Variants in TRPS1 observed in about 807,000 individuals in gnomAD.
TRPS1 encodes the protein transcriptional repressor GATA binding 1.
A neutral mutation model predicts 101.2 loss-of-function variants in TRPS1; 6 were observed. That is an observed-to-expected ratio of 0.06 (90% CI 0.03 to 0.12). TRPS1 has a LOEUF of 0.12. Ranked by LOEUF, TRPS1 falls within the 10% of genes least tolerant of loss-of-function variation. The pLI, the probability that TRPS1 is intolerant of heterozygous loss-of-function variation, is 1.00. For missense variants in TRPS1, 1,363 were observed against 1,567.0 expected (o/e 0.87, Z 2.20); for synonymous variants, 578 against 589.8 (o/e 0.98, Z 0.29).
chr8:115,539,699 T>C (rs564175488), intron 5 of TRPS1, among the ~76,000 whole-genome samples: 2 of 150,960 alleles, frequency 1.3e-5, no homozygotes, highest in East Asian at 3.9e-4. Flanking sequence ...AAATAAATAA[T>C]CCCCCAAAAT....
At chr8:115,598,679 C>A (rs535468661) in intron 4 of TRPS1, among the ~76,000 whole-genome samples, 1 of 152,268 alleles carries the variant, frequency 6.6e-6, no homozygotes, top group East Asian at 1.9e-4. Context: ...CCCTGGTCTT[C>A]ACTTATCAGA....
chr8:115,588,702 C>T (rs1817620512), intron 4 of TRPS1, among the ~76,000 whole-genome samples: 1 of 152,172 alleles, frequency 6.6e-6, no homozygotes, highest in East Asian at 1.9e-4. Flanking sequence ...CAGGGAAACA[C>T]TTTCTACTTC....
intron 3 of TRPS1, among the ~76,000 whole-genome samples, chr8:115,618,259 C>T (rs1335407131): frequency 6.6e-6 from 1 of 152,106 alleles, no homozygotes; most frequent in Non-Finnish European, 1.5e-5. Context: ...GTAACAAAAA[C>T]TAATACACTT....
intron 5 of TRPS1, among the ~76,000 whole-genome samples, chr8:115,577,245 C>G (rs1343793419): frequency 2.0e-5 from 3 of 151,990 alleles, no homozygotes; most frequent in Non-Finnish European, 4.4e-5. Flanking sequence ...AAGTGAATGT[C>G]TCTTTCAAAT....
intron 5 of TRPS1, among the ~76,000 whole-genome samples, chr8:115,576,325 C>A (rs1586420480): frequency 7.9e-6 from 1 of 126,366 alleles, no homozygotes; most frequent in Non-Finnish European, 1.7e-5. Context: ...AGATCTAGAT[C>A]TTTGGACATC....
chr8:115,546,033 C>A (rs1030325653), intron 5 of TRPS1, among the ~76,000 whole-genome samples: 2 of 151,876 alleles, frequency 1.3e-5, no homozygotes, highest in African/African-American at 4.8e-5. Context: ...TCATCCCTCA[C>A]CTAAAGAAAA....
intron 5 of TRPS1, among the ~76,000 whole-genome samples, chr8:115,421,797 G>A (rs895548360): frequency 2.6e-5 from 4 of 152,138 alleles, no homozygotes; most frequent in Non-Finnish European, 2.9e-5. Flanking sequence ...ATACAGATGC[G>A]AGCCCTGACC....
intron 5 of TRPS1, among the ~76,000 whole-genome samples, chr8:115,549,211 C>T (rs1816647185): frequency 6.6e-6 from 1 of 152,156 alleles, no homozygotes; most frequent in African/African-American, 2.4e-5. Context: ...GTCTAAACAT[C>T]TCTCCCTAAC....
chr8:115,604,944 T>A lies in TRPS1; in HGVS notation c.1025A>T (p.Asn342Ile). 1 of 1,614,028 alleles carries A rather than the reference T, an allele frequency of 6.2e-7. No homozygotes were observed. The highest frequency in any genetic ancestry group is 1.1e-5 in the South Asian group (1 of 91,084). Residue 342 changes from asparagine (N) to isoleucine (I), a missense_variant, in exon 4 of 7, where the codon AAC becomes ATC. By Grantham distance (149) the Asn-to-Ile change is moderately radical. Coordinates refer to ENST00000395715, the MANE Select transcript of TRPS1 (RefSeq NM_014112.5). The surrounding 1 kb of genome is among the most constrained non-coding windows in gnomAD (Gnocchi z 4.1). ...IGRKTPDCQG[N>I]TKYFRCKFCN... ...GAATTTACAGCGGAAATACTTGGTGTTCCCTTGGCAATCTGGTGTTTTCCG... is the reference window on the plus strand; with the variant it reads ...GAATTTACAGCGGAAATACTTGGTGATCCCTTGGCAATCTGGTGTTTTCCG...
At chr8:115,490,494 T>C (rs1201892084) in intron 5 of TRPS1, among the ~76,000 whole-genome samples, 1 of 152,184 alleles carries the variant, frequency 6.6e-6, no homozygotes, top group East Asian at 1.9e-4. Context: ...ATAGGGCTAA[T>C]GAATAATGTT....
intron 1 of TRPS1, among the ~76,000 whole-genome samples, chr8:115,649,732 T>C (rs141713703): frequency 6.6e-6 from 1 of 152,342 alleles, no homozygotes; most frequent in Non-Finnish European, 1.5e-5. Context: ...ATGCAAACCG[T>C]GTCCAGCCTT....
intron 5 of TRPS1, among the ~76,000 whole-genome samples, chr8:115,531,277 C>A (rs976128994): frequency 6.6e-6 from 1 of 152,088 alleles, no homozygotes; most frequent in African/African-American, 2.4e-5. Flanking sequence ...AATATTAAAC[C>A]GGCTAGTTCT....
At position 115,630,148 on chromosome 8, in the gene TRPS1, G is replaced by A. The variant is rs142125506; in HGVS notation, c.-121-6390C>T. Among the ~76,000 whole-genome samples the A allele has an allele frequency of 4.6e-3, 698 of 152,016 alleles. 6 individuals carry two copies. The highest frequency in any genetic ancestry group is 8.0e-3 in the Non-Finnish European group (541 of 67,892). On this transcript the variant is annotated intron_variant, in intron 1 of 6. Coordinates refer to ENST00000395715, the MANE Select transcript of TRPS1 (RefSeq NM_014112.5). ...AGCCAGATAGAGTGGTGAGATTCAAGCCTGAGAGGATGACCACAAGTTCCT... is the reference window on the plus strand; with the variant it reads ...AGCCAGATAGAGTGGTGAGATTCAAACCTGAGAGGATGACCACAAGTTCCT...
Position 115,414,296 on chromosome 8 carries a change from T to C in TRPS1, c.3612A>G (p.Val1204=), listed in dbSNP as rs890303557. The C allele has an allele frequency of 1.2e-6, 2 of 1,613,882 alleles. No individual in the cohort carries two copies. Among genetic ancestry groups the C allele is most frequent in the Non-Finnish European group, 1.7e-6 (2 of 1,179,958 alleles). The change falls in exon 7 of 7, where the codon GTA becomes GTG. Residue 1204 remains valine, a synonymous_variant. Coordinates refer to ENST00000395715, the MANE Select transcript of TRPS1 (RefSeq NM_014112.5). This position sits in a 1 kb window ranked among gnomAD's most constrained non-coding sequence, Gnocchi z 4.8. ...CTACATTCAAGGGACCTTCATTTTTTACATTTGGTGGTGCCTTCGTTTTCT... is the reference window on the plus strand; with the variant it reads ...CTACATTCAAGGGACCTTCATTTTTCACATTTGGTGGTGCCTTCGTTTTCT... The part of the protein sequence containing the change: ...SKEKTKAPPN[V]KNEGPLNVVK...
intron 4 of TRPS1, among the ~76,000 whole-genome samples, chr8:115,598,744 A>G (rs1817843590): frequency 6.6e-6 from 1 of 152,212 alleles, no homozygotes; most frequent in Admixed American, 6.5e-5. Context: ...GGCAGAAAAT[A>G]CAAGGTTGAC....
At chr8:115,451,074 T>A (rs1813859090) in intron 5 of TRPS1, among the ~76,000 whole-genome samples, 1 of 152,216 alleles carries the variant, frequency 6.6e-6, no homozygotes, top group Non-Finnish European at 1.5e-5. Flanking sequence ...ACATCTTTAC[T>A]TTTAATGTTA....
chr8:115,519,095 T>C (rs1015901124), intron 5 of TRPS1, among the ~76,000 whole-genome samples: 1 of 151,842 alleles, frequency 6.6e-6, no homozygotes, highest in African/African-American at 2.4e-5. Context: ...GGTAATATTT[T>C]AGAACTTTTT....
intron 5 of TRPS1, among the ~76,000 whole-genome samples, chr8:115,456,419 C>G (rs1814026865): frequency 6.6e-6 from 1 of 151,986 alleles, no homozygotes. Context: ...TGACCTGCAA[C>G]CTGAATTGTA....
chr8:115,485,509 G>T (rs1381150066), intron 5 of TRPS1, among the ~76,000 whole-genome samples: 1 of 152,192 alleles, frequency 6.6e-6, no homozygotes, highest in Non-Finnish European at 1.5e-5. Flanking sequence ...GTTACACACA[G>T]CAATAGAACA....
Sources: gnomAD v4.1 joint callset for allele counts (sites outside exome capture counted in the v4.1 genomes callset) on GRCh38, gnomAD v4.1.1 for gene constraint, Gnocchi (gnomAD v3.1) non-coding constraint, MANE v1.5 for transcripts, NCBI Gene and HGNC (gene_info 2026-07-23, HGNC 2026-07-21) for gene names.